The following CAST variants were observed in gnomAD, a reference collection of about 807,000 sequenced individuals.
The protein encoded by CAST is calpastatin.
CAST carries 76 observed loss-of-function variants against 119.6 expected under a neutral mutation model. The observed-to-expected ratio is 0.64, with a 90% CI of 0.53 to 0.77. CAST has a LOEUF of 0.77. CAST is among the 30% of genes least tolerant of loss of function. The pLI, the probability that CAST is intolerant of heterozygous loss-of-function variation, is 0.00. For missense variants in CAST, 953 were observed against 946.5 expected (o/e 1.01, Z -0.09); for synonymous variants, 319 against 331.6 (o/e 0.96, Z 0.41).
chr5:96,324,719 T>G, the CAST span, among the ~76,000 whole-genome samples: 1 of 152,332 alleles, frequency 6.6e-6, no homozygotes, highest in South Asian at 2.1e-4. Context: ...AGCTTTTATA[T>G]ACAAAAATAG....
At chr5:96,003,176 G>A in the CAST span, among the ~76,000 whole-genome samples, 2 of 151,928 alleles carry the variant, frequency 1.3e-5, no homozygotes, top group South Asian at 4.1e-4. Context: ...GCAATTCAAG[G>A]CTGCAGTGAG....
the CAST span, among the ~76,000 whole-genome samples, chr5:96,350,586 G>C: frequency 6.6e-6 from 1 of 151,822 alleles, no homozygotes; most frequent in African/African-American, 2.4e-5. Context: ...TTTTTTCTTT[G>C]TGGCTATCTT....
At chr5:96,221,209 G>A in the CAST span, among the ~76,000 whole-genome samples, 2 of 151,932 alleles carry the variant, frequency 1.3e-5, no homozygotes, top group African/African-American at 2.4e-5. Flanking sequence ...TCATATTGAA[G>A]ACAAGGATCT....
At chr5:96,764,846 TGAAA>T (rs1769285997) in intron 25 of CAST, among the ~76,000 whole-genome samples, 1 of 152,216 alleles carries the variant, frequency 6.6e-6, no homozygotes, top group African/African-American at 2.4e-5. Flanking sequence ...AATTTCTAAA[TGAAA>T]GGCACACATG....
intron 1 of CAST, among the ~76,000 whole-genome samples, chr5:96,624,099 C>T (rs986845784): frequency 2.0e-5 from 3 of 152,176 alleles, no homozygotes; most frequent in East Asian, 1.9e-4. Context: ...ATAACTGGAC[C>T]TATCTTTTAT....
the CAST span, among the ~76,000 whole-genome samples, chr5:96,436,697 T>C: frequency 5.9e-5 from 9 of 152,158 alleles, no homozygotes; most frequent in Non-Finnish European, 1.0e-4. Flanking sequence ...GACAAAATAA[T>C]ATTGAAATTG....
intron 1 of CAST, among the ~76,000 whole-genome samples, chr5:96,619,501 G>A (rs966379050): frequency 1.3e-5 from 2 of 152,238 alleles, no homozygotes; most frequent in Non-Finnish European, 2.9e-5. Flanking sequence ...GCCCGAACTA[G>A]CAGCAGCAAC....
the CAST span, among the ~76,000 whole-genome samples, chr5:96,422,948 GGTGAGGAGGGAAACT>G: frequency 6.9e-6 from 1 of 145,066 alleles, no homozygotes; most frequent in African/African-American, 2.9e-5. Context: ...TCATAAAAGA[GGTGAGGAGGGAAACT>G]GTGACAATGA....
At chr5:96,579,940 G>T (rs374368165) in intron 1 of CAST, among the ~76,000 whole-genome samples, 1 of 152,232 alleles carries the variant, frequency 6.6e-6, no homozygotes, top group Non-Finnish European at 1.5e-5. Flanking sequence ...ACAGTCCTAA[G>T]TTGATGTCTG....
the CAST span, among the ~76,000 whole-genome samples, chr5:96,109,821 C>A: frequency 2.6e-5 from 4 of 151,872 alleles, no homozygotes; most frequent in South Asian, 6.2e-4. Flanking sequence ...GGGAAGATAC[C>A]ACATCTTAAT....
chr5:96,633,504 T>G (rs1389118030), intron 1 of CAST, among the ~76,000 whole-genome samples: 1 of 152,222 alleles, frequency 6.6e-6, no homozygotes, highest in Non-Finnish European at 1.5e-5. Flanking sequence ...TAATAGGACT[T>G]TCAGATTAGT....
At chr5:96,332,689 G>A in the CAST span, among the ~76,000 whole-genome samples, 2 of 152,094 alleles carry the variant, frequency 1.3e-5, no homozygotes, top group South Asian at 2.1e-4. Context: ...GCAAGTCAGG[G>A]GGAGGATAAT....
chr5:96,444,274 T>G, the CAST span, among the ~76,000 whole-genome samples: 1 of 152,242 alleles, frequency 6.6e-6, no homozygotes, highest in Non-Finnish European at 1.5e-5. Context: ...AAGCCTCATG[T>G]AACAGATTTT....
chr5:96,417,449 C>A, the CAST span, among the ~76,000 whole-genome samples: 1 of 151,908 alleles, frequency 6.6e-6, no homozygotes, highest in African/African-American at 2.4e-5. Flanking sequence ...TCATGGGGCC[C>A]CTCCTCTCAG....
chr5:96,345,342 A>T, the CAST span, among the ~76,000 whole-genome samples: 1 of 152,114 alleles, frequency 6.6e-6, no homozygotes, highest in African/African-American at 2.4e-5. Context: ...GTTGGATGAT[A>T]CACTATTTTA....
At chr5:96,537,211 C>T (rs1164034002) in intron 1 of CAST, among the ~76,000 whole-genome samples, 1 of 152,242 alleles carries the variant, frequency 6.6e-6, no homozygotes, top group Non-Finnish European at 1.5e-5. Flanking sequence ...CTTCACCCAA[C>T]TCAGTTACCA....
the CAST span, among the ~76,000 whole-genome samples, chr5:96,112,569 TG>T: frequency 1.3e-5 from 2 of 152,120 alleles, no homozygotes. Context: ...AATGAATAAC[TG>T]GGGTAAGTCA....
chr5:96,363,749 G>C, the CAST span, among the ~76,000 whole-genome samples: 1 of 152,086 alleles, frequency 6.6e-6, no homozygotes, highest in Non-Finnish European at 1.5e-5. Context: ...AGACGGTGGG[G>C]TTTTCTAAAT....
At chr5:96,602,491 C>T (rs1747173550) in intron 1 of CAST, among the ~76,000 whole-genome samples, 1 of 152,128 alleles carries the variant, frequency 6.6e-6, no homozygotes, top group Non-Finnish European at 1.5e-5. Flanking sequence ...ATGGCTCACG[C>T]CTGTAATCCC....
Sources: gnomAD v4.1 joint callset for allele counts (sites outside exome capture counted in the v4.1 genomes callset) on GRCh38, gnomAD v4.1.1 for gene constraint, MANE v1.5 for transcripts, NCBI Gene and HGNC (gene_info 2026-07-23, HGNC 2026-07-21) for gene names.